TMEM178A: variants seen among roughly 807,000 people sequenced by gnomAD.
The protein encoded by TMEM178A is transmembrane protein 178.
In TMEM178A, 12 loss-of-function variants were observed where a neutral mutation model predicts 29.1. The observed-to-expected ratio is 0.41, with a 90% confidence interval of 0.26 to 0.67. The LOEUF is 0.67. Ranked by LOEUF, TMEM178A falls within the 30% of genes least tolerant of loss-of-function variation. The pLI, the probability that TMEM178A is intolerant of heterozygous loss-of-function variation, is 0.29. For missense variants in TMEM178A, 366 were observed against 419.1 expected, an observed-to-expected ratio of 0.87 and a Z score of 1.11; for synonymous variants, 210 against 187.2, an observed-to-expected ratio of 1.12 and a Z score of -0.99.
chr2:39,702,490 A>G (rs1023033964), intron 1 of TMEM178A, among the ~76,000 whole-genome samples: 1 of 152,152 alleles, frequency 6.6e-6, no homozygotes, highest in African/African-American at 2.4e-5. Flanking sequence ...TTTGAAGAAT[A>G]CAAATGTAAG....
At chr2:39,730,055 C>G in the TMEM178A span, among the ~76,000 whole-genome samples, 1 of 152,142 alleles carries the variant, frequency 6.6e-6, no homozygotes, top group Non-Finnish European at 1.5e-5. Context: ...CTAGACATAC[C>G]TCTCTCTGAT....
chr2:39,715,716 A>T (rs181273683), intron 3 of TMEM178A, among the ~76,000 whole-genome samples: 15 of 152,320 alleles, frequency 9.8e-5, no homozygotes, highest in Non-Finnish European at 1.5e-4. Context: ...CTAAGTGCAC[A>T]TTTGGAAGCG....
At chr2:39,672,859 G>C (rs1406543388) in intron 1 of TMEM178A, among the ~76,000 whole-genome samples, 1 of 152,148 alleles carries the variant, frequency 6.6e-6, no homozygotes, top group African/African-American at 2.4e-5. Flanking sequence ...GTCCTTGATT[G>C]CTATAAAAGA....
the TMEM178A span, among the ~76,000 whole-genome samples, chr2:39,735,526 T>A: frequency 6.6e-6 from 1 of 152,180 alleles, no homozygotes. Flanking sequence ...ATACACTTTC[T>A]ATAACACTAG....
chr2:39,728,015 A>G, the TMEM178A span, among the ~76,000 whole-genome samples: 50 of 152,348 alleles, frequency 3.3e-4, no homozygotes, highest in South Asian at 9.3e-3. Flanking sequence ...TAATGCCACA[A>G]TAAACATATG....
the TMEM178A span, among the ~76,000 whole-genome samples, chr2:39,729,091 A>T: frequency 6.6e-6 from 1 of 151,624 alleles, no homozygotes. Context: ...GGAATTCATT[A>T]AAAAAAAATT....
At chr2:39,729,932 T>C in the TMEM178A span, among the ~76,000 whole-genome samples, 10 of 152,258 alleles carry the variant, frequency 6.6e-5, no homozygotes, top group East Asian at 1.5e-3. Flanking sequence ...GGATTACCTT[T>C]TTCCCTATTT....
At chr2:39,695,483 G>A (rs1671498071) in intron 1 of TMEM178A, among the ~76,000 whole-genome samples, 1 of 150,996 alleles carries the variant, frequency 6.6e-6, no homozygotes, top group Non-Finnish European at 1.5e-5. Context: ...AGCAAAGAGA[G>A]TGAGCTATGT....
chr2:39,681,977 G>T (rs2540248), intron 1 of TMEM178A, among the ~76,000 whole-genome samples: 70,339 of 152,028 alleles, frequency 0.46, 16,914 homozygotes, highest in East Asian at 0.82. Context: ...CCTGGCCTTG[G>T]CTCTTCCTGC....
At chr2:39,672,556 C>A (rs1670449913) in intron 1 of TMEM178A, among the ~76,000 whole-genome samples, 2 of 152,164 alleles carry the variant, frequency 1.3e-5, no homozygotes, top group South Asian at 4.2e-4. Flanking sequence ...GAGTCTTGCT[C>A]TGTCTGTCAC....
At chr2:39,672,700 T>TA (rs938089584) in intron 1 of TMEM178A, among the ~76,000 whole-genome samples, 66 of 148,140 alleles carry the variant, frequency 4.5e-4, no homozygotes, top group Admixed American at 7.4e-4. Context: ...CTGGCTGATT[T>TA]AAAAAAAAAA....
At chr2:39,734,695 TAG>T in the TMEM178A span, among the ~76,000 whole-genome samples, 152 of 152,318 alleles carry the variant, frequency 1.0e-3, 1 homozygote, top group African/African-American at 3.4e-3. Flanking sequence ...TAGTCTAAAT[TAG>T]AGTGTCTAGA....
intron 1 of TMEM178A, among the ~76,000 whole-genome samples, chr2:39,681,146 A>G (rs987349854): frequency 6.6e-6 from 1 of 152,068 alleles, no homozygotes; most frequent in African/African-American, 2.4e-5. Context: ...TGATGAAAGG[A>G]CATATCTAGG....
At chr2:39,676,480 T>C (rs1166431942) in intron 1 of TMEM178A, among the ~76,000 whole-genome samples, 1 of 152,222 alleles carries the variant, frequency 6.6e-6, no homozygotes, top group Non-Finnish European at 1.5e-5. Context: ...TCTTTTACAA[T>C]AAATGTAATT....
chr2:39,667,988 C>G (rs997349160), intron 1 of TMEM178A, among the ~76,000 whole-genome samples: 1 of 152,196 alleles, frequency 6.6e-6, no homozygotes, highest in Non-Finnish European at 1.5e-5. Context: ...AATGACAGAA[C>G]TGCATTTCCT....
intron 1 of TMEM178A, among the ~76,000 whole-genome samples, chr2:39,684,442 A>T (rs1222008447): frequency 3.9e-5 from 6 of 152,230 alleles, no homozygotes; most frequent in South Asian, 2.1e-4. Flanking sequence ...ATACACAAAC[A>T]TATTATTTGA....
chr2:39,701,667 C>T (rs894829630), intron 1 of TMEM178A, among the ~76,000 whole-genome samples: 3 of 152,050 alleles, frequency 2.0e-5, no homozygotes, highest in African/African-American at 7.2e-5. Flanking sequence ...TTCTGCAGCT[C>T]TCATTATGCT....
intron 3 of TMEM178A, among the ~76,000 whole-genome samples, chr2:39,709,591 T>G (rs1167830089): frequency 6.6e-6 from 1 of 152,222 alleles, no homozygotes; most frequent in Non-Finnish European, 1.5e-5. Context: ...CAGAGAGGAC[T>G]GCACTGCACA....
chr2:39,689,033 C>G (rs1671200980), intron 1 of TMEM178A, among the ~76,000 whole-genome samples: 1 of 152,176 alleles, frequency 6.6e-6, no homozygotes, highest in Non-Finnish European at 1.5e-5. Context: ...TTAGCTGTAC[C>G]AAATGCCACT....
Sources: gnomAD v4.1 joint callset for allele counts (sites outside exome capture counted in the v4.1 genomes callset) on GRCh38, gnomAD v4.1.1 for gene constraint, MANE v1.5 for transcripts, NCBI Gene and HGNC (gene_info 2026-07-23, HGNC 2026-07-21) for gene names.